The following EIF2A variants were observed in gnomAD, a reference collection of about 807,000 sequenced individuals.
EIF2A encodes eukaryotic translation initiation factor 2A.
In EIF2A, 62 loss-of-function variants were observed where a neutral mutation model predicts 75.2. The observed-to-expected ratio is 0.82, with a 90% CI of 0.67 to 1.02. The LOEUF is 1.02. Ranked by LOEUF, EIF2A falls within the 50% of genes least tolerant of loss-of-function variation. The pLI is 0.00. For missense variants in EIF2A, 611 were observed against 677.7 expected (o/e 0.90, Z 1.09); for synonymous variants, 207 against 239.0 (o/e 0.87, Z 1.23).
intron 11 of EIF2A, among the ~76,000 whole-genome samples, chr3:150,578,408 TTTAA>T (rs1483258827): frequency 1.0e-3 from 154 of 149,442 alleles, no homozygotes; most frequent in Non-Finnish European, 1.2e-3. Flanking sequence ...TAATTTCACA[TTTAA>T]TTAATATAAT....
intron 11 of EIF2A, among the ~76,000 whole-genome samples, chr3:150,578,618 G>T (rs1331024373): frequency 6.6e-6 from 1 of 152,050 alleles, no homozygotes; most frequent in African/African-American, 2.4e-5. Context: ...TTTTACTAAA[G>T]ATGATACCAA....
intron 1 of EIF2A, among the ~76,000 whole-genome samples, chr3:150,547,816 C>T (rs1033760958): frequency 6.6e-6 from 1 of 152,160 alleles, no homozygotes; most frequent in Non-Finnish European, 1.5e-5. Context: ...GCAGTTTAGT[C>T]ATCATTTATC....
intron 1 of EIF2A, chr3:150,547,073 C>A: frequency 3.5e-6 from 2 of 571,380 alleles, no homozygotes; most frequent in South Asian, 4.3e-5. Context: ...GATTCATCTT[C>A]TACAGAAATA....
In EIF2A at chr3:150,581,719, A is replaced by G; in HGVS notation, c.1599A>G (p.Ile533Met). ...AGTCAATTTCTGGGGACCCTGAGATAGACAAAAAAATCAAGAACCTAAAGA... is the reference window on the plus strand; with the variant it reads ...AGTCAATTTCTGGGGACCCTGAGATGGACAAAAAAATCAAGAACCTAAAGA... ...VSQSISGDPEIDKKIKNLKKK... is the reference protein window; with the variant it reads ...VSQSISGDPEMDKKIKNLKKK... The change falls in exon 12 of 14, where the codon ATA becomes ATG. Residue 533 changes from isoleucine to methionine, a missense_variant. By Grantham distance (10) the Ile-to-Met change is conservative. Transcript: ENST00000460851. 1 of 1,557,458 alleles carries G rather than the reference A, an allele frequency of 6.4e-7. No individual in the cohort carries two copies. The highest frequency in any genetic ancestry group is 1.7e-4 in the Middle Eastern group (1 of 6,004).
rs565541098 is a variant in EIF2A, at chr3:150,584,858, G to A, written c.*947G>A. On this transcript the variant is annotated 3_prime_UTR_variant, in exon 14 of 14. Coordinates refer to ENST00000460851, the MANE Select transcript of EIF2A (RefSeq NM_032025.5). ...TTTTTTAAAAATTTTTAAAGAAAAA[G>A]TATACACACAGGACTTTTTTTTTTC... Among the ~76,000 whole-genome samples, 7 of 151,634 alleles carry A rather than the reference G, an allele frequency of 4.6e-5. No individual in the cohort carries two copies. Among genetic ancestry groups the A allele is most frequent in the Non-Finnish European group, 1.0e-4 (7 of 67,928 alleles).
rs1456320055 is a variant in EIF2A at position 150,568,220 on chromosome 3, G to A, written c.739G>A (p.Gly247Arg). ...AGCTAGCACAGATGTTGACAAGACA[G>A]GAGCTTCCTACTATGGAGAACAAAC... ...VIASTDVDKT[G>R]ASYYGEQTLH... is the part of the protein sequence containing the mutation. Residue 247 changes from glycine to arginine, a missense_variant, in exon 9 of 14, where the codon GGA becomes AGA. Physicochemically the swap from Gly to Arg is moderately radical, Grantham distance 125. Coordinates refer to ENST00000460851, the MANE Select transcript of EIF2A (RefSeq NM_032025.5). 1 of 1,613,726 alleles carries A rather than the reference G, an allele frequency of 6.2e-7. No individual in the cohort carries two copies. The highest frequency in any genetic ancestry group is 1.1e-5 in the South Asian group (1 of 91,048).
At position 150,582,287 on chromosome 3, in the gene EIF2A, C is replaced by T. The variant is rs913483594; in HGVS notation, c.1626+541C>T. Among the ~76,000 whole-genome samples, 6 of 151,584 alleles carry T rather than the reference C, an allele frequency of 4.0e-5. No individual in the cohort carries two copies. The South Asian group carries it at 6.3e-4, about 16-fold the overall frequency. Reference sequence around the variant, plus strand: ...AAATGCTGGGATTTGTGAGCCTCCTCGCCTGGCCACTGAACACTTTTTAAT... The same window carrying T: ...AAATGCTGGGATTTGTGAGCCTCCTTGCCTGGCCACTGAACACTTTTTAAT... On this transcript the variant is annotated intron_variant, in intron 12 of 13. Coordinates refer to ENST00000460851, the MANE Select transcript of EIF2A (RefSeq NM_032025.5).
At chr3:150,549,223 T>C (rs1402970362) in intron 1 of EIF2A, among the ~76,000 whole-genome samples, 1 of 6,274 alleles carries the variant, frequency 1.6e-4, no homozygotes, top group East Asian at 0.02. Flanking sequence ...TCTTTCTTTC[T>C]TTTTTTTTTT....
chr3:150,574,658 T>C (rs1047711975), intron 10 of EIF2A, among the ~76,000 whole-genome samples: 6 of 152,256 alleles, frequency 3.9e-5, no homozygotes, highest in African/African-American at 9.6e-5. Flanking sequence ...CCCAGAACTT[T>C]GATGACCTGA....
chr3:150,558,366 C>T (rs575441945), intron 2 of EIF2A, 22 bp from the exon 3 acceptor site: 196,375 of 1,328,112 alleles, frequency 0.15, 5,573 homozygotes, highest in Non-Finnish European at 0.16. Context: ...TCATTTAAAC[C>T]TTTTTTTTTT....
At chr3:150,569,420 ATTT>A (rs11456857) in intron 9 of EIF2A, among the ~76,000 whole-genome samples, 74 of 150,200 alleles carry the variant, frequency 4.9e-4, no homozygotes, top group Middle Eastern at 3.4e-3. Context: ...ATGCTAACTG[ATTT>A]TTTTTTTTTA....
At chr3:150,558,120 G>C (rs1043639650) in intron 2 of EIF2A, among the ~76,000 whole-genome samples, 1 of 152,122 alleles carries the variant, frequency 6.6e-6, no homozygotes, top group Non-Finnish European at 1.5e-5. Flanking sequence ...ATTGATGGAA[G>C]GCCTACCACA....
chr3:150,555,100 G>C (rs1055560434), intron 2 of EIF2A, among the ~76,000 whole-genome samples: 1 of 150,678 alleles, frequency 6.6e-6, no homozygotes, highest in Non-Finnish European at 1.5e-5. Context: ...GCTAATTTTT[G>C]TATGTTTTGT....
chr3:150,551,349 T>A (rs1723305274), intron 1 of EIF2A, among the ~76,000 whole-genome samples: 1 of 152,184 alleles, frequency 6.6e-6, no homozygotes, highest in South Asian at 2.1e-4. Context: ...GGAGGTAGTT[T>A]GTTCGTTTTT....
chr3:150,569,522 G>T (rs1724385445), intron 9 of EIF2A, among the ~76,000 whole-genome samples: 1 of 152,070 alleles, frequency 6.6e-6, no homozygotes, highest in Non-Finnish European at 1.5e-5. Flanking sequence ...CAGGGCAGGG[G>T]AAGTTATCTG....
At chr3:150,577,846 T>C (rs1232860226) in intron 11 of EIF2A, among the ~76,000 whole-genome samples, 2 of 152,222 alleles carry the variant, frequency 1.3e-5, no homozygotes, top group African/African-American at 4.8e-5. Flanking sequence ...AGGTATAGAA[T>C]TGTATTATGC....
rs755348374 is a variant in EIF2A, at chr3:150,572,170, GA to G, written c.1026del (p.Val343CysfsTer4). On this transcript the variant is annotated frameshift_variant, in exon 10 of 14. Coordinates refer to ENST00000460851, the MANE Select transcript of EIF2A (RefSeq NM_032025.5). LOFTEE classifies it high-confidence loss of function. ...AGFGNLRGQMEVWDVKNYKLI... is the reference protein window; with the variant it reads ...AGFGNLRGQMXVWDVKNYKLI... The stretch of plus-strand genomic sequence containing the variant: ...ATTTGGAAATCTGAGGGGACAAATG[GA>G]AGTGTGGGATGTGAAAAACTACAAA... The G allele has an allele frequency of 6.2e-7, 1 of 1,613,946 alleles. No homozygotes were observed.
intron 11 of EIF2A, among the ~76,000 whole-genome samples, chr3:150,578,785 C>G (rs1382984200): frequency 6.6e-6 from 1 of 152,156 alleles, no homozygotes; most frequent in Non-Finnish European, 1.5e-5. Context: ...TGGAACAAAG[C>G]TAAATGGCCC....
chr3:150,575,842 A>T, intron 11 of EIF2A, 80 bp downstream of exon 11: 2 of 1,216,098 alleles, frequency 1.6e-6, no homozygotes, highest in Admixed American at 5.4e-5. Flanking sequence ...TAATCCCAGC[A>T]CTTTGGGAGG....
Sources: gnomAD v4.1 joint callset for allele counts (sites outside exome capture counted in the v4.1 genomes callset) on GRCh38, gnomAD v4.1.1 for gene constraint, MANE v1.5 for transcripts, NCBI Gene and HGNC (gene_info 2026-07-23, HGNC 2026-07-21) for gene names.